The following LIPI variants were observed in gnomAD, a reference collection of about 807,000 sequenced individuals.
LIPI encodes lipase member I.
LIPI carries 59 observed loss-of-function variants against 50.6 expected under a neutral mutation model. That is an observed-to-expected ratio of 1.16 (90% CI 0.94 to 1.45). The LOEUF (loss-of-function observed/expected upper bound fraction) is 1.45. LIPI is among the 40% of genes most tolerant of loss of function. LIPI has a pLI of 0.00. For missense variants in LIPI, 586 were observed against 536.3 expected, an observed-to-expected ratio of 1.09 and a Z score of -0.92; for synonymous variants, 203 against 178.2, an observed-to-expected ratio of 1.14 and a Z score of -1.11.
Position 14,210,942 on chromosome 21 carries a change from G to C in LIPI, c.-97C>G. On this transcript the variant is annotated 5_prime_UTR_variant, in exon 1 of 10. Coordinates refer to ENST00000681601, the MANE Select transcript of LIPI (RefSeq NM_001302998.2). The stretch of plus-strand genomic sequence containing the variant: ...TCTTTGGTAGGATCATCACAGGCTG[G>C]CAGGTTCTTCTGTAAAAGTTCACTG... The C allele has an allele frequency of 9.2e-7, 1 of 1,085,402 alleles. No individual in the cohort carries two copies. The highest frequency in any genetic ancestry group is 1.1e-6 in the Non-Finnish European group (1 of 887,304). The allele number at this position is 1,085,402 out of a possible 1,614,324, so 67.2% of individuals were successfully genotyped here.
At chr21:14,177,083 G>A (rs1171282790) in intron 4 of LIPI, among the ~76,000 whole-genome samples, 1 of 151,968 alleles carries the variant, frequency 6.6e-6, no homozygotes, top group Non-Finnish European at 1.5e-5. Flanking sequence ...TTGTGTAGTT[G>A]CCTTTTTTTG....
intron 4 of LIPI, among the ~76,000 whole-genome samples, chr21:14,176,041 G>T (rs1029086455): frequency 6.6e-6 from 1 of 151,978 alleles, no homozygotes; most frequent in Non-Finnish European, 1.5e-5. Context: ...AGCCGGGCCT[G>T]GTGGTGGGCG....
chr21:14,150,889 G>A (rs187043727), intron 8 of LIPI, among the ~76,000 whole-genome samples: 356 of 152,222 alleles, frequency 2.3e-3, no homozygotes, highest in African/African-American at 7.3e-3. Context: ...AAAGGGAAAG[G>A]AAAACGGATA....
intron 1 of LIPI, among the ~76,000 whole-genome samples, chr21:14,205,005 A>T (rs1253730855): frequency 6.6e-6 from 1 of 151,742 alleles, no homozygotes; most frequent in African/African-American, 2.4e-5. Flanking sequence ...GTAGGAAAGG[A>T]ACTAATATAT....
Position 14,166,354 on chromosome 21 carries a change from C to G in LIPI, c.733+8G>C, listed in dbSNP as rs780861715. On this transcript the variant is annotated splice_region_variant and intron_variant, in intron 5 of 9. Coordinates refer to ENST00000681601, the MANE Select transcript of LIPI (RefSeq NM_001302998.2). Reference sequence around the variant, plus strand: ...TATGTAGTTCATTCAAAAATACTGTCAGTATACCTGAGAAAATTGATTTAG... The same window carrying G: ...TATGTAGTTCATTCAAAAATACTGTGAGTATACCTGAGAAAATTGATTTAG... 3.5e-6 allele frequency: 5 copies of G among 1,443,052 alleles called. No individual in the cohort carries two copies. The highest frequency in any genetic ancestry group is 4.9e-6 in the Non-Finnish European group (5 of 1,024,368). The allele number at this position is 1,443,052 out of a possible 1,614,324, so 89.4% of individuals were successfully genotyped here.
At chr21:14,148,604 G>T (rs1056768593) in intron 8 of LIPI, among the ~76,000 whole-genome samples, 1 of 152,082 alleles carries the variant, frequency 6.6e-6, no homozygotes, top group African/African-American at 2.4e-5. Flanking sequence ...ATGCTGTACA[G>T]GTTTGTAACT....
At chr21:14,133,612 A>G (rs2017379098) in intron 9 of LIPI, among the ~76,000 whole-genome samples, 1 of 152,170 alleles carries the variant, frequency 6.6e-6, no homozygotes, top group Non-Finnish European at 1.5e-5. Flanking sequence ...GCAGTACTGT[A>G]AGTTCTCACC....
At chr21:14,207,802 A>C (rs1006827390) in intron 1 of LIPI, among the ~76,000 whole-genome samples, 3 of 152,198 alleles carry the variant, frequency 2.0e-5, no homozygotes, top group African/African-American at 7.2e-5. Context: ...ACGGAAAAAA[A>C]CACAGTGGAT....
chr21:14,134,838 A>T (rs1452753002), intron 9 of LIPI, among the ~76,000 whole-genome samples: 2 of 152,316 alleles, frequency 1.3e-5, no homozygotes, highest in East Asian at 3.9e-4. Flanking sequence ...TATTAAAAAA[A>T]ATCTTAGAAG....
intron 9 of LIPI, 121 bp from the exon 10 acceptor site, chr21:14,109,201 T>C: frequency 1.3e-6 from 1 of 776,382 alleles, no homozygotes; most frequent in Non-Finnish European, 2.2e-6. Context: ...TCTCTAAATG[T>C]AGGGAGTTGG....
chr21:14,185,810 G>A (rs570169275), intron 3 of LIPI, 151 bp downstream of exon 3: 22 of 566,932 alleles, frequency 3.9e-5, no homozygotes, highest in South Asian at 1.4e-4. Context: ...TTAAGCCCAC[G>A]AAGCAGAGGT....
At chr21:14,193,289 A>C (rs377245201) in intron 1 of LIPI, among the ~76,000 whole-genome samples, 3 of 152,272 alleles carry the variant, frequency 2.0e-5, no homozygotes, top group East Asian at 3.9e-4. Context: ...GCTACCAAAA[A>C]AATCAATTAA....
intron 9 of LIPI, among the ~76,000 whole-genome samples, chr21:14,130,900 G>A (rs536183250): frequency 1.3e-5 from 2 of 152,268 alleles, no homozygotes; most frequent in African/African-American, 2.4e-5. Context: ...AGATCTGAGA[G>A]CCTTCCCACA....
intron 1 of LIPI, among the ~76,000 whole-genome samples, chr21:14,207,425 A>T (rs11909672): frequency 0.015 from 2,215 of 152,186 alleles, 61 homozygotes; most frequent in African/African-American, 0.049. Context: ...AATAATAGGC[A>T]CAACTATGTC....
At chr21:14,156,436 T>C (rs1024299543) in intron 7 of LIPI, among the ~76,000 whole-genome samples, 1 of 151,814 alleles carries the variant, frequency 6.6e-6, no homozygotes, top group Non-Finnish European at 1.5e-5. Context: ...CCAACAAATA[T>C]GAACAATTTC....
chr21:14,152,641 CA>C lies in LIPI; in HGVS notation c.1049del (p.Met350ArgfsTer11). ...ATTTAAATGAAAACGAGCCATCCATCATAGTTTTATCTGGAACAATTATACT... is the reference window on the plus strand; with the variant it reads ...ATTTAAATGAAAACGAGCCATCCATCTAGTTTTATCTGGAACAATTATACT... The part of the protein sequence containing the change: ...VLSIIVPDKT[M>X]MDGSFSFKLL... On this transcript the variant is annotated frameshift_variant, in exon 8 of 10. Coordinates refer to ENST00000681601, the MANE Select transcript of LIPI (RefSeq NM_001302998.2). LOFTEE classifies it high-confidence loss of function. 1 of 1,580,632 alleles carries C rather than the reference CA, an allele frequency of 6.3e-7. No homozygotes were observed. The highest frequency in any genetic ancestry group is 8.7e-7 in the Non-Finnish European group (1 of 1,151,106).
chr21:14,167,662 T>A (rs2018740315), intron 4 of LIPI, among the ~76,000 whole-genome samples: 1 of 152,142 alleles, frequency 6.6e-6, no homozygotes, highest in Admixed American at 6.5e-5. Flanking sequence ...GTCCTGTCTG[T>A]TAGAAGGAAA....
intron 9 of LIPI, among the ~76,000 whole-genome samples, chr21:14,113,750 A>T (rs534603133): frequency 2.0e-4 from 31 of 152,230 alleles, no homozygotes; most frequent in Non-Finnish European, 4.0e-4. Context: ...TGGGTAATTT[A>T]TAAAGGAAAG....
At chr21:14,175,854 G>A (rs974891771) in intron 4 of LIPI, among the ~76,000 whole-genome samples, 9 of 152,078 alleles carry the variant, frequency 5.9e-5, no homozygotes, top group Non-Finnish European at 8.8e-5. Flanking sequence ...TGAAGTTCAA[G>A]CATTCTATGT....
Sources: allele counts gnomAD v4.1 joint callset (sites outside exome capture counted in the v4.1 genomes callset), GRCh38; gene constraint gnomAD v4.1.1; transcripts MANE v1.5; gene names NCBI Gene and HGNC (gene_info 2026-07-23, HGNC 2026-07-21).